Variants in SMARCAL1 observed in about 807,000 individuals in gnomAD.
SMARCAL1 encodes SNF2 related chromatin remodeling annealing helicase 1, also known as ATP-driven annealing helicase.
In SMARCAL1, 58 loss-of-function variants were observed where a neutral mutation model predicts 94.5. That is an observed-to-expected ratio of 0.61 (90% CI 0.50 to 0.76). The LOEUF is 0.76. SMARCAL1 is among the 30% of genes least tolerant of loss of function. The probability of loss-of-function intolerance (pLI) is 0.00; values close to 1 mark genes in which losing one functional copy is unlikely to be tolerated. For missense variants in SMARCAL1, 1,051 were observed against 1,177.9 expected, an observed-to-expected ratio of 0.89 and a Z score of 1.58; for synonymous variants, 422 against 455.1, an observed-to-expected ratio of 0.93 and a Z score of 0.93.
chr2:216,475,314 CG>C lies in SMARCAL1; in HGVS notation c.2293del (p.Glu765ArgfsTer47), dbSNP rs1695047950. ...CGATGGCTCCACCTCATCAGCTGAGCGGGAGGACCTGTGCCAGCAGTTCCAA... is the reference window on the plus strand; with the variant it reads ...CGATGGCTCCACCTCATCAGCTGAGCGGAGGACCTGTGCCAGCAGTTCCAA... The part of the protein sequence containing the change: ...RIDGSTSSAE[R>X]EDLCQQFQLS... On this transcript the variant is annotated frameshift_variant, in exon 15 of 18. Coordinates refer to ENST00000357276, the MANE Select transcript of SMARCAL1 (RefSeq NM_014140.4). LOFTEE classifies it high-confidence loss of function. The surrounding 1 kb of genome is among the most constrained non-coding windows in gnomAD (Gnocchi z 4.4). 1 of 1,614,080 alleles carries C rather than the reference CG, an allele frequency of 6.2e-7. No individual in the cohort carries two copies. The highest frequency in any genetic ancestry group is 1.7e-5 in the Admixed American group (1 of 60,004).
At chr2:216,458,784 G>A (rs1694630905) in intron 12 of SMARCAL1, among the ~76,000 whole-genome samples, 1 of 152,180 alleles carries the variant, frequency 6.6e-6, no homozygotes, top group Non-Finnish European at 1.5e-5. Context: ...AGACAGGGAT[G>A]CCCTCTCTCA....
chr2:216,420,028 C>CAAAAAAAAAAA (rs60555710), intron 4 of SMARCAL1, among the ~76,000 whole-genome samples: 2 of 40,156 alleles, frequency 5.0e-5, no homozygotes, highest in African/African-American at 1.8e-4. Flanking sequence ...GACCCCGTCT[C>CAAAAAAAAAAA]AAAAAAAAAA....
intron 14 of SMARCAL1, among the ~76,000 whole-genome samples, chr2:216,472,636 T>C (rs1414523306): frequency 6.8e-6 from 1 of 147,122 alleles, no homozygotes; most frequent in African/African-American, 2.5e-5. Flanking sequence ...TTTTTACATG[T>C]AAAGGTATTT....
chr2:216,457,163 A>G (rs570750237), intron 12 of SMARCAL1, among the ~76,000 whole-genome samples: 51 of 152,362 alleles, frequency 3.3e-4, no homozygotes, highest in African/African-American at 1.2e-3. Flanking sequence ...TATGCACCCA[A>G]TACAGGAGCA....
intron 17 of SMARCAL1, among the ~76,000 whole-genome samples, chr2:216,480,128 C>T (rs1307845583): frequency 6.6e-6 from 1 of 152,172 alleles, no homozygotes; most frequent in Non-Finnish European, 1.5e-5. Flanking sequence ...CTTTCTCTTA[C>T]TCTAAATTGG....
intron 1 of SMARCAL1, among the ~76,000 whole-genome samples, chr2:216,413,240 A>G (rs1211628508): frequency 1.3e-5 from 2 of 152,198 alleles, no homozygotes; most frequent in Non-Finnish European, 2.9e-5. Flanking sequence ...GGCCTAAGCA[A>G]TGCTACTGGA....
chr2:216,437,445 C>A (rs971489412), intron 9 of SMARCAL1, among the ~76,000 whole-genome samples: 1 of 152,126 alleles, frequency 6.6e-6, no homozygotes, highest in Admixed American at 6.5e-5. Flanking sequence ...TTAAGGACAG[C>A]GTTGGGATCT....
chr2:216,428,989 ACT>A (rs759915719), intron 7 of SMARCAL1, among the ~76,000 whole-genome samples: 3 of 152,350 alleles, frequency 2.0e-5, no homozygotes, highest in East Asian at 1.9e-4. Flanking sequence ...GTTAATCAAG[ACT>A]CTGAATTGCA....
chr2:216,460,508 G>A (rs1694671419), intron 12 of SMARCAL1, among the ~76,000 whole-genome samples: 1 of 152,080 alleles, frequency 6.6e-6, no homozygotes, highest in African/African-American at 2.4e-5. Context: ...ATGCAGCTAT[G>A]AGAAATGATG....
intron 12 of SMARCAL1, among the ~76,000 whole-genome samples, chr2:216,460,808 A>C (rs1694681498): frequency 6.6e-6 from 1 of 152,198 alleles, no homozygotes; most frequent in South Asian, 2.1e-4. Context: ...CACGTTGTGC[A>C]CATGTACCCT....
At chr2:216,431,135 C>G (rs1445450396) in intron 7 of SMARCAL1, among the ~76,000 whole-genome samples, 1 of 152,248 alleles carries the variant, frequency 6.6e-6, no homozygotes, top group Non-Finnish European at 1.5e-5. Flanking sequence ...TGCCTGTTGT[C>G]CCCACACTCT....
At chr2:216,450,167 C>G (rs1308882315) in intron 11 of SMARCAL1, among the ~76,000 whole-genome samples, 1 of 152,272 alleles carries the variant, frequency 6.6e-6, no homozygotes, top group East Asian at 1.9e-4. Flanking sequence ...GCTTCTCTAG[C>G]TGTGTGATGG....
chr2:216,479,928 T>C (rs1035139653), intron 17 of SMARCAL1, among the ~76,000 whole-genome samples: 4 of 152,174 alleles, frequency 2.6e-5, no homozygotes, highest in African/African-American at 9.7e-5. Context: ...GGCACATGCC[T>C]GTATTCCCAG....
At chr2:216,443,772 C>T (rs10498053) in intron 10 of SMARCAL1, among the ~76,000 whole-genome samples, 2 of 152,248 alleles carry the variant, frequency 1.3e-5, no homozygotes, top group South Asian at 4.1e-4. Flanking sequence ...TCTGCCAATA[C>T]TTAGGGCAGC....
chr2:216,466,816 A>G (rs1694839347), intron 13 of SMARCAL1, among the ~76,000 whole-genome samples: 1 of 152,166 alleles, frequency 6.6e-6, no homozygotes, highest in African/African-American at 2.4e-5. Context: ...ATTAAAGTAA[A>G]TTCTATTAGT....
chr2:216,425,753 A>G (rs1215446602), intron 6 of SMARCAL1, among the ~76,000 whole-genome samples: 2 of 152,198 alleles, frequency 1.3e-5, no homozygotes, highest in Non-Finnish European at 2.9e-5. Flanking sequence ...GGCTGAGTCC[A>G]GGGTTTTTAT....
intron 2 of SMARCAL1, chr2:216,414,431 A>G: frequency 2.4e-6 from 1 of 414,744 alleles, no homozygotes; most frequent in Non-Finnish European, 4.5e-6. Flanking sequence ...TGCTGGGATT[A>G]CACCCGACCT....
chr2:216,472,832 G>A lies in SMARCAL1; in HGVS notation c.2245-2437G>A, dbSNP rs181773342. On this transcript the variant is annotated intron_variant, in intron 14 of 17. Coordinates refer to ENST00000357276, the MANE Select transcript of SMARCAL1 (RefSeq NM_014140.4). The stretch of plus-strand genomic sequence containing the variant: ...TCAGTAGAGGTTTTAAAAATGTGCG[G>A]TGCTCACTGTTGATGAAAGTGTACG... 7.9e-5 allele frequency among the ~76,000 whole-genome samples: 12 copies of A among 152,134 alleles called. No individual in the cohort carries two copies. The East Asian group carries it at 2.1e-3, about 27-fold the overall frequency.
chr2:216,418,178 A>G (rs968757601), intron 4 of SMARCAL1, among the ~76,000 whole-genome samples: 3 of 152,154 alleles, frequency 2.0e-5, no homozygotes, highest in African/African-American at 7.2e-5. Flanking sequence ...CTCAGCCTCT[A>G]AAACTGTTGG....
Sources: gnomAD v4.1 joint callset for allele counts (sites outside exome capture counted in the v4.1 genomes callset) on GRCh38, gnomAD v4.1.1 for gene constraint, Gnocchi (gnomAD v3.1) non-coding constraint, MANE v1.5 for transcripts, NCBI Gene and HGNC (gene_info 2026-07-23, HGNC 2026-07-21) for gene names.